Variants in MARCHF1 observed in about 807,000 individuals in gnomAD.
MARCHF1 encodes the protein membrane associated ring-CH-type finger 1, also known as E3 ubiquitin-protein ligase MARCHF1.
MARCHF1 carries 40 observed loss-of-function variants against 54.2 expected under a neutral mutation model. The ratio of observed to expected loss-of-function variants is 0.74; its 90% CI spans 0.57 to 0.96. The LOEUF is 0.96. Among genes scored for constraint, MARCHF1 ranks in the 40% least tolerant of loss-of-function variants. The pLI is 0.00. For synonymous variants in MARCHF1, 236 were observed against 236.3 expected (o/e 1.00, Z 0.01); for missense variants, 586 against 656.5 (o/e 0.89, Z 1.17).
At chr4:164,017,568 A>G (rs930766229) in intron 2 of MARCHF1, among the ~76,000 whole-genome samples, 1 of 151,982 alleles carries the variant, frequency 6.6e-6, no homozygotes, top group African/African-American at 2.4e-5. Context: ...CATTTACAAT[A>G]GCATCTAAAC....
chr4:163,849,030 A>G (rs1749570040), intron 4 of MARCHF1, among the ~76,000 whole-genome samples: 1 of 152,196 alleles, frequency 6.6e-6, no homozygotes, highest in Non-Finnish European at 1.5e-5. Flanking sequence ...TCTTTATGCC[A>G]CAGTGCAATG....
intron 7 of MARCHF1, among the ~76,000 whole-genome samples, chr4:163,589,261 C>G (rs1327201271): frequency 6.6e-6 from 1 of 152,026 alleles, no homozygotes; most frequent in Non-Finnish European, 1.5e-5. Flanking sequence ...AGTGACCTGA[C>G]CAGTTTACTA....
chr4:163,928,301 T>C lies in MARCHF1; in HGVS notation c.-39+60200A>G, dbSNP rs564535440. Among the ~76,000 whole-genome samples, 3 of 151,972 alleles carry C rather than the reference T, an allele frequency of 2.0e-5. No individual in the cohort carries two copies. The South Asian group carries it at 6.2e-4, about 31-fold the overall frequency. Reference sequence around the variant, plus strand: ...AAAACAACACATCAACATAGTGCCTTTGATTGAAGATGCTACCCTCCCAGT... The same window carrying C: ...AAAACAACACATCAACATAGTGCCTCTGATTGAAGATGCTACCCTCCCAGT... On this transcript the variant is annotated intron_variant, in intron 3 of 9. Coordinates refer to ENST00000514618, the MANE Select transcript of MARCHF1 (RefSeq NM_001394959.1).
chr4:163,725,583 C>A (rs1275015312), intron 4 of MARCHF1, among the ~76,000 whole-genome samples: 1 of 151,904 alleles, frequency 6.6e-6, no homozygotes. Flanking sequence ...ATGAATTATA[C>A]ATTTTCCATT....
chr4:164,375,511 AATG>A (rs1355245589), intron 1 of MARCHF1, among the ~76,000 whole-genome samples: 6 of 152,290 alleles, frequency 3.9e-5, no homozygotes, highest in South Asian at 4.1e-4. Context: ...TCTAACTTTA[AATG>A]ATAACTCCTA....
At chr4:163,946,236 T>G (rs527789913) in intron 3 of MARCHF1, among the ~76,000 whole-genome samples, 12 of 152,090 alleles carry the variant, frequency 7.9e-5, no homozygotes, top group Non-Finnish European at 1.6e-4. Context: ...GTGCCTGGGG[T>G]AGAGAGAGGG....
At chr4:163,900,498 T>C (rs533920231) in intron 3 of MARCHF1, among the ~76,000 whole-genome samples, 3 of 152,094 alleles carry the variant, frequency 2.0e-5, no homozygotes, top group African/African-American at 7.2e-5. Flanking sequence ...TGTAGTTGAG[T>C]TGGATAATAA....
At chr4:164,021,489 A>C (rs1486890980) in intron 2 of MARCHF1, among the ~76,000 whole-genome samples, 3 of 152,144 alleles carry the variant, frequency 2.0e-5, no homozygotes, top group Non-Finnish European at 4.4e-5. Context: ...TTTGTGAATT[A>C]AAAAAGTTAA....
At chr4:163,931,373 A>C (rs566577297) in intron 3 of MARCHF1, among the ~76,000 whole-genome samples, 2 of 152,230 alleles carry the variant, frequency 1.3e-5, no homozygotes, top group South Asian at 4.1e-4. Flanking sequence ...TTAACCCCCA[A>C]AGTGATGACA....
At chr4:164,129,601 A>G (rs756569870) in intron 1 of MARCHF1, among the ~76,000 whole-genome samples, 9 of 152,166 alleles carry the variant, frequency 5.9e-5, no homozygotes, top group African/African-American at 1.2e-4. Context: ...TATTTTTTGA[A>G]TTAGTTGATT....
intron 5 of MARCHF1, among the ~76,000 whole-genome samples, chr4:163,638,706 T>C (rs1389511959): frequency 1.3e-5 from 2 of 152,182 alleles, no homozygotes; most frequent in African/African-American, 4.8e-5. Flanking sequence ...TAATAGATAT[T>C]TGTACATTCA....
intron 1 of MARCHF1, among the ~76,000 whole-genome samples, chr4:164,330,372 C>T (rs1013894917): frequency 2.0e-5 from 3 of 152,064 alleles, no homozygotes; most frequent in Admixed American, 6.5e-5. Flanking sequence ...GAAGAAATTC[C>T]GAAGTTTGTC....
intron 2 of MARCHF1, among the ~76,000 whole-genome samples, chr4:163,996,172 C>A (rs1753072303): frequency 6.6e-6 from 1 of 151,760 alleles, no homozygotes; most frequent in African/African-American, 2.4e-5. Context: ...TATGAAAAAT[C>A]ACAGGTATAA....
intron 2 of MARCHF1, among the ~76,000 whole-genome samples, chr4:164,057,225 C>T (rs115980983): frequency 0.046 from 6,958 of 152,212 alleles, 213 homozygotes; most frequent in Middle Eastern, 0.14. Flanking sequence ...ATAATCATAA[C>T]AAATACTGCA....
At chr4:164,041,708 C>T (rs1303704969) in intron 2 of MARCHF1, among the ~76,000 whole-genome samples, 1 of 152,056 alleles carries the variant, frequency 6.6e-6, no homozygotes. Context: ...ACTGTTGTGC[C>T]CCACCACAGA....
chr4:163,535,049 C>A (rs1310657204), intron 9 of MARCHF1, among the ~76,000 whole-genome samples: 1 of 151,868 alleles, frequency 6.6e-6, no homozygotes, highest in African/African-American at 2.4e-5. Context: ...TAATTTTTGA[C>A]CATTAGTGCA....
chr4:164,009,657 G>A (rs966838558), intron 2 of MARCHF1, among the ~76,000 whole-genome samples: 4 of 151,898 alleles, frequency 2.6e-5, no homozygotes, highest in Non-Finnish European at 5.9e-5. Context: ...CCATAAACAT[G>A]ATACATCACA....
At chr4:163,968,935 T>C (rs755776870) in intron 3 of MARCHF1, among the ~76,000 whole-genome samples, 5 of 152,278 alleles carry the variant, frequency 3.3e-5, no homozygotes, top group Non-Finnish European at 7.4e-5. Flanking sequence ...CCCAGGCTTA[T>C]GTAAAGCAGG....
At chr4:164,048,085 C>T (rs1754278655) in intron 2 of MARCHF1, among the ~76,000 whole-genome samples, 2 of 152,040 alleles carry the variant, frequency 1.3e-5, no homozygotes, top group Admixed American at 1.3e-4. Context: ...ATACATATAA[C>T]ATGTTAATAA....
Sources: allele counts gnomAD v4.1 joint callset (sites outside exome capture counted in the v4.1 genomes callset), GRCh38; gene constraint gnomAD v4.1.1; transcripts MANE v1.5; gene names NCBI Gene and HGNC (gene_info 2026-07-23, HGNC 2026-07-21).